Variants in STAG1 observed in about 807,000 individuals in gnomAD.
STAG1 encodes the protein cohesin subunit SA-1.
In STAG1, 26 loss-of-function variants were observed where a neutral mutation model predicts 170.9. The observed-to-expected ratio is 0.15, with a 90% CI of 0.11 to 0.21. The LOEUF is 0.21. Ranked by LOEUF, STAG1 falls within the 10% of genes least tolerant of loss-of-function variation. STAG1 has a pLI of 1.00. For synonymous variants in STAG1, 514 were observed against 497.7 expected (o/e 1.03, Z -0.44); for missense variants, 964 against 1,509.5 (o/e 0.64, Z 5.99).
At chr3:136,738,849 G>C (rs1483394235) in intron 1 of STAG1, among the ~76,000 whole-genome samples, 1 of 152,020 alleles carries the variant, frequency 6.6e-6, no homozygotes, top group Non-Finnish European at 1.5e-5. Flanking sequence ...TAATTAGCAT[G>C]ATTTAGCCAT....
intron 1 of STAG1, among the ~76,000 whole-genome samples, chr3:136,654,920 A>C (rs535884409): frequency 6.6e-6 from 1 of 152,352 alleles, no homozygotes; most frequent in East Asian, 1.9e-4. Flanking sequence ...TTCAACACAT[A>C]GTAATGGAAA....
At chr3:136,709,313 T>G (rs1576793657) in intron 1 of STAG1, among the ~76,000 whole-genome samples, 2 of 148,456 alleles carry the variant, frequency 1.3e-5, no homozygotes, top group South Asian at 2.1e-4. Flanking sequence ...AAAGACAGGG[T>G]CTCATTATGT....
intron 1 of STAG1, among the ~76,000 whole-genome samples, chr3:136,714,955 A>ATATATAT (rs1943488576): frequency 1.5e-5 from 1 of 68,220 alleles, no homozygotes; most frequent in African/African-American, 4.4e-5. Flanking sequence ...ATATATATAT[A>ATATATAT]TATATATATT....
In STAG1 at chr3:136,656,501, G is replaced by A. The variant is rs376176620; in HGVS notation, c.-83-25520C>T. 7.9e-5 allele frequency among the ~76,000 whole-genome samples: 12 copies of A among 151,914 alleles called. No homozygotes were observed. The South Asian group carries it at 2.5e-3, about 32-fold the overall frequency. ...GGGGGTAGAAACGGTGGTGGCAGAG[G>A]GGTCCCCAGAACAAAGCAATGCCAA... On this transcript the variant is annotated intron_variant, in intron 1 of 33. Coordinates refer to ENST00000383202, the MANE Select transcript of STAG1 (RefSeq NM_005862.3).
chr3:136,551,863 G>C (rs1936421366), intron 5 of STAG1, among the ~76,000 whole-genome samples: 1 of 152,000 alleles, frequency 6.6e-6, no homozygotes, highest in Non-Finnish European at 1.5e-5. Context: ...CCAAAGTGTT[G>C]GGATTACAGA....
intron 5 of STAG1, among the ~76,000 whole-genome samples, chr3:136,566,866 ATAAAT>A: frequency 6.6e-6 from 1 of 152,244 alleles, no homozygotes; most frequent in East Asian, 1.9e-4. Context: ...GTCTAGTTAA[ATAAAT>A]TATTGTACAT....
chr3:136,485,031 C>T (rs527557451), intron 9 of STAG1, among the ~76,000 whole-genome samples: 25 of 152,310 alleles, frequency 1.6e-4, no homozygotes, highest in African/African-American at 4.8e-4. Flanking sequence ...AGAAATCACC[C>T]GTCTTCTGCG....
intron 1 of STAG1, among the ~76,000 whole-genome samples, chr3:136,743,368 C>CA (rs796201068): frequency 0.086 from 10,730 of 124,612 alleles, 423 homozygotes; most frequent in Non-Finnish European, 0.098. Context: ...AACTCCTTCT[C>CA]AAAAAAAAAA....
chr3:136,342,323 ATTT>A (rs1290774978), intron 30 of STAG1, among the ~76,000 whole-genome samples: 1 of 142,472 alleles, frequency 7.0e-6, no homozygotes, highest in Non-Finnish European at 1.5e-5. Flanking sequence ...CCAGCCAGGA[ATTT>A]TTTTTTTTTA....
chr3:136,527,545 T>G (rs1012907802), intron 6 of STAG1, among the ~76,000 whole-genome samples: 2 of 152,146 alleles, frequency 1.3e-5, no homozygotes, highest in Non-Finnish European at 2.9e-5. Flanking sequence ...AACTTCCTCC[T>G]TTAGCTCAGA....
chr3:136,390,414 A>C (rs1253562434), intron 22 of STAG1, among the ~76,000 whole-genome samples: 1 of 152,208 alleles, frequency 6.6e-6, no homozygotes, highest in Non-Finnish European at 1.5e-5. Flanking sequence ...CTGAACATGA[A>C]ATGGATATTA....
intron 15 of STAG1, among the ~76,000 whole-genome samples, chr3:136,439,194 CAAA>C (rs1163622178): frequency 7.9e-5 from 5 of 63,578 alleles, no homozygotes; most frequent in Admixed American, 2.1e-4. Flanking sequence ...GACCCAGACT[CAAA>C]AAAAAAAAAA....
chr3:136,469,173 A>G (rs1427912833), intron 12 of STAG1, among the ~76,000 whole-genome samples: 2 of 152,188 alleles, frequency 1.3e-5, no homozygotes, highest in Admixed American at 6.6e-5. Flanking sequence ...AGGGTATTCA[A>G]TTAGGAAAAG....
chr3:136,383,914 C>T (rs1041129286), intron 22 of STAG1, among the ~76,000 whole-genome samples: 2 of 146,330 alleles, frequency 1.4e-5, no homozygotes, highest in African/African-American at 5.1e-5. Flanking sequence ...GAGATCGCAC[C>T]ACTGCACTCC....
At chr3:136,409,397 C>T (rs1464959572) in intron 21 of STAG1, among the ~76,000 whole-genome samples, 1 of 151,978 alleles carries the variant, frequency 6.6e-6, no homozygotes, top group Non-Finnish European at 1.5e-5. Flanking sequence ...AGTGCAGTGG[C>T]ATGATTTCGG....
chr3:136,418,708 C>A (rs965415032), intron 20 of STAG1, among the ~76,000 whole-genome samples: 5 of 151,686 alleles, frequency 3.3e-5, no homozygotes, highest in African/African-American at 9.7e-5. Flanking sequence ...GTGGCAAGAT[C>A]TTGGCTCACT....
chr3:136,722,067 C>CA (rs1033382156), intron 1 of STAG1, among the ~76,000 whole-genome samples: 3 of 151,724 alleles, frequency 2.0e-5, no homozygotes, highest in Non-Finnish European at 4.4e-5. Context: ...AATAAAAATA[C>CA]AAAAAAATAG....
chr3:136,430,483 G>A (rs1010044416), intron 16 of STAG1, among the ~76,000 whole-genome samples: 1 of 151,734 alleles, frequency 6.6e-6, no homozygotes, highest in African/African-American at 2.4e-5. Flanking sequence ...ATATATTTAT[G>A]TTATAATCTC....
At chr3:136,408,043 A>G (rs2087531346) in intron 21 of STAG1, among the ~76,000 whole-genome samples, 1 of 151,668 alleles carries the variant, frequency 6.6e-6, no homozygotes, top group Non-Finnish European at 1.5e-5. Context: ...AATATATTTC[A>G]ACTAAATGTA....
Sources: gnomAD v4.1 joint callset for allele counts (sites outside exome capture counted in the v4.1 genomes callset) on GRCh38, gnomAD v4.1.1 for gene constraint, MANE v1.5 for transcripts, NCBI Gene and HGNC (gene_info 2026-07-23, HGNC 2026-07-21) for gene names.